The following SYCE2 variants were observed in gnomAD, a reference collection of about 807,000 sequenced individuals.
SYCE2 encodes the protein central element synaptonemal complex 1.
A neutral mutation model predicts 27.9 loss-of-function variants in SYCE2; 3 were observed. That is an observed-to-expected ratio of 0.11 (90% CI 0.05 to 0.28). The LOEUF (loss-of-function observed/expected upper bound fraction) is 0.28, where lower values mean the gene tolerates loss of function less well. SYCE2 is among the 10% of genes least tolerant of loss of function. The pLI, the probability that SYCE2 is intolerant of heterozygous loss-of-function variation, is 1.00. For missense variants in SYCE2, 207 were observed against 263.5 expected (o/e 0.79, Z 1.48); for synonymous variants, 85 against 100.7 (o/e 0.84, Z 0.93).
At chr19:12,916,802 G>C (rs1292527288) in intron 2 of SYCE2, among the ~76,000 whole-genome samples, 1 of 151,626 alleles carries the variant, frequency 6.6e-6, no homozygotes, top group Non-Finnish European at 1.5e-5. Flanking sequence ...TTTTCAGAGA[G>C]ATATGTCTCC....
chr19:12,908,903 C>G (rs947408704), intron 2 of SYCE2, among the ~76,000 whole-genome samples: 17 of 152,206 alleles, frequency 1.1e-4, no homozygotes, highest in Non-Finnish European at 1.9e-4. Context: ...TGCAGTGAGG[C>G]CTCCATGCCT....
intron 3 of SYCE2, among the ~76,000 whole-genome samples, chr19:12,903,049 A>G (rs1970871099): frequency 6.6e-6 from 1 of 151,156 alleles, no homozygotes; most frequent in Non-Finnish European, 1.5e-5. Flanking sequence ...AAAAAAAAAA[A>G]AAAAGAAAAA....
intron 3 of SYCE2, among the ~76,000 whole-genome samples, chr19:12,902,392 C>T (rs1354332264): frequency 6.6e-6 from 1 of 152,108 alleles, no homozygotes; most frequent in South Asian, 2.1e-4. Context: ...TGTATCTTTT[C>T]TACTAGAGGC....
intron 2 of SYCE2, among the ~76,000 whole-genome samples, chr19:12,908,818 CAT>C (rs1226228849): frequency 9.2e-5 from 14 of 152,290 alleles, no homozygotes; most frequent in Admixed American, 2.0e-4. Flanking sequence ...CTACTCCCGA[CAT>C]GTGGTATCCC....
At chr19:12,912,385 G>A (rs1006787584) in intron 2 of SYCE2, among the ~76,000 whole-genome samples, 1 of 148,272 alleles carries the variant, frequency 6.7e-6, no homozygotes, top group Non-Finnish European at 1.5e-5. Flanking sequence ...TCTACCCCCC[G>A]CTATACCTAG....
In SYCE2 at chr19:12,904,503, G is replaced by A. The variant is rs201580678; in HGVS notation, c.295C>T (p.Leu99=). Residue 99 remains leucine (L), a synonymous_variant, in exon 3 of 6, where the codon CTG becomes TTG. Transcript: ENST00000293695. ...HALMTNFRNS[L]KTKVSDLTEK... ...GTGGAGTCTGTCACCTTGGTCTTCA[G>A]GCTGTTCCTGAAGTTGGTCATGAGT... is the stretch of plus-strand genomic sequence containing the variant. The A allele has an allele frequency of 4.6e-5, 75 of 1,613,976 alleles. No individual in the cohort carries two copies. The highest frequency in any genetic ancestry group is 6.0e-5 in the Non-Finnish European group (71 of 1,180,008).
intron 3 of SYCE2, among the ~76,000 whole-genome samples, chr19:12,904,088 C>T (rs1226505833): frequency 1.3e-5 from 2 of 152,166 alleles, no homozygotes; most frequent in Non-Finnish European, 2.9e-5. Context: ...CCCCTACTCC[C>T]GTGGCTGCTC....
chr19:12,910,297 A>G (rs1366712627), intron 2 of SYCE2, among the ~76,000 whole-genome samples: 1 of 152,072 alleles, frequency 6.6e-6, no homozygotes, highest in Non-Finnish European at 1.5e-5. Flanking sequence ...ATTTTATGTT[A>G]AAAAATTTTT....
intron 2 of SYCE2, among the ~76,000 whole-genome samples, chr19:12,911,721 G>A (rs1301371945): frequency 7.0e-6 from 1 of 143,098 alleles, no homozygotes; most frequent in Non-Finnish European, 1.5e-5. Context: ...AGGTTCAAGT[G>A]ATTTTCCCAT....
chr19:12,912,014 T>C (rs2145977711), intron 2 of SYCE2, among the ~76,000 whole-genome samples: 1 of 152,190 alleles, frequency 6.6e-6, no homozygotes, highest in South Asian at 2.1e-4. Context: ...CTCGGCTCAC[T>C]GCAACCTCTG....
chr19:12,914,516 AC>A (rs1310603903), intron 2 of SYCE2, among the ~76,000 whole-genome samples: 38 of 144,324 alleles, frequency 2.6e-4, no homozygotes, highest in African/African-American at 6.9e-4. Flanking sequence ...GCTAAAGGCC[AC>A]CCCCCCCACA....
chr19:12,904,868 G>C (rs113035064), intron 2 of SYCE2: 9,751 of 479,110 alleles, frequency 0.02, 823 homozygotes, highest in African/African-American at 0.18. Context: ...AGCCAGGCAC[G>C]GTGGCACGTG....
At chr19:12,910,703 A>G (rs1394615567) in intron 2 of SYCE2, among the ~76,000 whole-genome samples, 2 of 148,398 alleles carry the variant, frequency 1.3e-5, no homozygotes, top group African/African-American at 2.5e-5. Context: ...TTTGAGATGG[A>G]GTCTCGCTCT....
At chr19:12,915,818 C>T (rs550976865) in intron 2 of SYCE2, among the ~76,000 whole-genome samples, 24 of 152,138 alleles carry the variant, frequency 1.6e-4, no homozygotes, top group Admixed American at 5.9e-4. Context: ...GCAGGGACTT[C>T]GCACGAGCTC....
intron 2 of SYCE2, among the ~76,000 whole-genome samples, chr19:12,913,434 C>G (rs555033316): frequency 3.8e-4 from 58 of 152,154 alleles, no homozygotes; most frequent in African/African-American, 1.4e-3. Flanking sequence ...TTATGACCAC[C>G]GAGGGTGGCA....
intron 2 of SYCE2, 39 bp from the exon 3 acceptor site, chr19:12,904,705 C>T: frequency 6.2e-7 from 1 of 1,610,144 alleles, no homozygotes; most frequent in Non-Finnish European, 8.5e-7. Context: ...CCTGACTTCT[C>T]AGAGTACAGG....
chr19:12,914,312 G>T (rs1372369473), intron 2 of SYCE2: 1 of 152,182 alleles, frequency 6.6e-6, no homozygotes, highest in Admixed American at 6.5e-5. Flanking sequence ...CAATTTCCGT[G>T]GTGCAGAGCC....
In SYCE2 at chr19:12,909,111, T is replaced by C. The variant is rs150453614; in HGVS notation, c.132-4445A>G. On this transcript the variant is annotated intron_variant, in intron 2 of 5. Transcript: ENST00000293695. ...ACCTACGGTTTCACTGTTTACACCT[T>C]GGCCTCCCACTGTAGTCTGCTGAAG... is the stretch of plus-strand genomic sequence containing the variant. Among the ~76,000 whole-genome samples, 15 of 152,336 alleles carry C rather than the reference T, an allele frequency of 9.8e-5. No homozygotes were observed. The East Asian group carries it at 2.5e-3, about 25-fold the overall frequency.
chr19:12,899,581 T>C (rs755849125), intron 5 of SYCE2, 196 bp from the exon 6 acceptor site: 2 of 1,613,998 alleles, frequency 1.2e-6, no homozygotes, highest in Middle Eastern at 3.3e-4. Context: ...AGCCCCTTTC[T>C]GGAGAGATGC....
Sources: allele counts gnomAD v4.1 joint callset (sites outside exome capture counted in the v4.1 genomes callset), GRCh38; gene constraint gnomAD v4.1.1; transcripts MANE v1.5; gene names NCBI Gene and HGNC (gene_info 2026-07-23, HGNC 2026-07-21).